The following PLLP variants were observed in gnomAD, a reference collection of about 807,000 sequenced individuals.
PLLP encodes the protein plasma membrane proteolipid (plasmolipin).
Under a neutral mutation model 19.7 loss-of-function variants are expected in PLLP, and 15 were observed. The observed-to-expected ratio is 0.76, with a 90% confidence interval of 0.51 to 1.17. The LOEUF (loss-of-function observed/expected upper bound fraction) is 1.17. Among genes scored for constraint, PLLP ranks in the 50% most tolerant of loss-of-function variants. The pLI is 0.00. For synonymous variants in PLLP, 111 were observed against 116.3 expected, an observed-to-expected ratio of 0.95 and a Z score of 0.29; for missense variants, 255 against 258.3, an observed-to-expected ratio of 0.99 and a Z score of 0.09.
intron 1 of PLLP, among the ~76,000 whole-genome samples, chr16:57,269,992 C>T (rs774850013): frequency 6.6e-6 from 1 of 152,188 alleles, no homozygotes; most frequent in Non-Finnish European, 1.5e-5. Flanking sequence ...TGGTCTCAAA[C>T]TCCTGACCTC....
chr16:57,280,495 T>G (rs1351150641), intron 1 of PLLP, among the ~76,000 whole-genome samples: 1 of 152,190 alleles, frequency 6.6e-6, no homozygotes, highest in East Asian at 1.9e-4. Flanking sequence ...ATGCCTTTTT[T>G]TTTTAAAACC....
chr16:57,271,066 T>C (rs540006370), intron 1 of PLLP, among the ~76,000 whole-genome samples: 2 of 152,286 alleles, frequency 1.3e-5, no homozygotes, highest in South Asian at 4.1e-4. Flanking sequence ...AGGAGGACGA[T>C]GCTGGAGGTG....
intron 1 of PLLP, among the ~76,000 whole-genome samples, chr16:57,265,371 T>C (rs1308757059): frequency 2.0e-5 from 3 of 152,268 alleles, no homozygotes; most frequent in Non-Finnish European, 2.9e-5. Context: ...CCGTCCCTTC[T>C]CCAGGTGAGA....
intron 1 of PLLP, among the ~76,000 whole-genome samples, chr16:57,266,267 A>C (rs1267121404): frequency 6.6e-6 from 1 of 152,096 alleles, no homozygotes; most frequent in Non-Finnish European, 1.5e-5. Flanking sequence ...CAGCGTCCAG[A>C]TGAAGCCGGT....
At chr16:57,272,298 T>C (rs1331359581) in intron 1 of PLLP, among the ~76,000 whole-genome samples, 5 of 152,290 alleles carry the variant, frequency 3.3e-5, no homozygotes, top group Non-Finnish European at 4.4e-5. Context: ...TGTGGGGACA[T>C]TCCCCTGGAG....
intron 1 of PLLP, among the ~76,000 whole-genome samples, chr16:57,273,130 G>T (rs939266612): frequency 5.3e-5 from 8 of 151,366 alleles, no homozygotes; most frequent in Admixed American, 3.3e-4. Context: ...CACGGTGGCA[G>T]GTGCCTGTAA....
Position 57,262,981 on chromosome 16 carries a change from G to T in PLLP, c.136-911C>A, listed in dbSNP as rs563274785. Among the ~76,000 whole-genome samples, 5 of 152,208 alleles carry T rather than the reference G, an allele frequency of 3.3e-5. No homozygotes were observed. The South Asian group carries it at 1.0e-3, about 32-fold the overall frequency. On this transcript the variant is annotated intron_variant, in intron 1 of 3. Transcript: ENST00000219207. Reference sequence around the variant, plus strand: ...AGACTGCGAGCTCCACGAGGGCACAGCCGTGGCTGTCTCACAGCTACGTCC... The same window carrying T: ...AGACTGCGAGCTCCACGAGGGCACATCCGTGGCTGTCTCACAGCTACGTCC...
At chr16:57,266,944 A>G (rs1437034516) in intron 1 of PLLP, among the ~76,000 whole-genome samples, 3 of 149,910 alleles carry the variant, frequency 2.0e-5, no homozygotes, top group African/African-American at 4.9e-5. Flanking sequence ...TGAAGACTAC[A>G]GTGTCAAAAA....
intron 1 of PLLP, among the ~76,000 whole-genome samples, chr16:57,276,618 G>A (rs1232517416): frequency 3.3e-5 from 5 of 150,942 alleles, no homozygotes; most frequent in Non-Finnish European, 7.4e-5. Context: ...GAGAGAGAGA[G>A]AAATGAAAAT....
intron 1 of PLLP, among the ~76,000 whole-genome samples, chr16:57,267,103 T>C (rs766836913): frequency 3.3e-5 from 5 of 152,162 alleles, no homozygotes; most frequent in African/African-American, 7.2e-5. Flanking sequence ...TTATTACAGT[T>C]TCCCCAGAAG....
At position 57,256,153 on chromosome 16, in the gene PLLP, A is replaced by G; in HGVS notation, c.*760T>C. 2.5e-6 allele frequency: 1 copy of G among 396,396 alleles called. No individual in the cohort carries two copies. The highest frequency in any genetic ancestry group is 4.4e-6 in the Non-Finnish European group (1 of 225,014). 24.6% of individuals were successfully genotyped at this position (396,396 alleles called of 1,614,324 possible). A position where few individuals can be genotyped will look rare whatever the true frequency, so the allele number is the denominator to read the frequency against. On this transcript the variant is annotated 3_prime_UTR_variant, in exon 4 of 4. Coordinates refer to ENST00000219207, the MANE Select transcript of PLLP (RefSeq NM_015993.3). ...AAATAAAACAGTCACCACCAACCAC[A>G]TGACAACTCGCCAGGCAAGGCCTTG...
chr16:57,270,192 T>G (rs559047572), intron 1 of PLLP, among the ~76,000 whole-genome samples: 17 of 149,406 alleles, frequency 1.1e-4, no homozygotes, highest in Admixed American at 1.1e-3. Flanking sequence ...CCCGAGTCTA[T>G]CCACAACCCC....
intron 1 of PLLP, among the ~76,000 whole-genome samples, chr16:57,269,830 A>G (rs1447604932): frequency 6.6e-6 from 1 of 152,134 alleles, no homozygotes; most frequent in East Asian, 1.9e-4. Flanking sequence ...CAGTGGCGCA[A>G]TCTCGGCTCA....
Position 57,258,506 on chromosome 16 carries a change from A to G in PLLP, c.388T>C (p.Ser130Pro). ...TTATAAGGCCGGGTGCCCCTCAGGG[A>G]TGTCAGGTCAACTGCCGCAGAGCAG... Reference protein sequence around the residue: ...IACSAAVDLTSLRGTRPYNQR... With the variant: ...IACSAAVDLTPLRGTRPYNQR... The change falls in exon 3 of 4, where the codon TCC becomes CCC. Residue 130 changes from serine (S) to proline (P), a missense_variant. By Grantham distance (74) the Ser-to-Pro change is moderately conservative. Transcript: ENST00000219207. 1 of 1,613,176 alleles carries G rather than the reference A, an allele frequency of 6.2e-7. No individual in the cohort carries two copies. The highest frequency in any genetic ancestry group is 8.5e-7 in the Non-Finnish European group (1 of 1,179,972).
intron 2 of PLLP, among the ~76,000 whole-genome samples, chr16:57,259,514 G>A (rs2075435818): frequency 6.6e-6 from 1 of 152,104 alleles, no homozygotes; most frequent in Non-Finnish European, 1.5e-5. Flanking sequence ...GACAACCAGG[G>A]ACCAGTCCCT....
At chr16:57,271,221 CT>C (rs1481269197) in intron 1 of PLLP, among the ~76,000 whole-genome samples, 1 of 152,140 alleles carries the variant, frequency 6.6e-6, no homozygotes, top group Non-Finnish European at 1.5e-5. Flanking sequence ...TGAGCCGCCC[CT>C]GGACCCCCAG....
chr16:57,283,562 C>T (rs548437472), intron 1 of PLLP, among the ~76,000 whole-genome samples: 1 of 152,366 alleles, frequency 6.6e-6, no homozygotes, highest in African/African-American at 2.4e-5. Context: ...AGGGCACCCA[C>T]CCAGCTTCCA....
intron 1 of PLLP, among the ~76,000 whole-genome samples, chr16:57,269,537 G>A (rs1252405851): frequency 6.6e-6 from 1 of 152,116 alleles, no homozygotes; most frequent in Non-Finnish European, 1.5e-5. Context: ...GAGACAGTCC[G>A]GGGCTGGGGG....
intron 1 of PLLP, among the ~76,000 whole-genome samples, chr16:57,272,902 A>C (rs899145660): frequency 1.6e-4 from 24 of 151,874 alleles, no homozygotes; most frequent in African/African-American, 5.6e-4. Flanking sequence ...GGCTGCAGTA[A>C]GCCATGATCA....
Sources: allele counts gnomAD v4.1 joint callset (sites outside exome capture counted in the v4.1 genomes callset), GRCh38; gene constraint gnomAD v4.1.1; transcripts MANE v1.5; gene names NCBI Gene and HGNC (gene_info 2026-07-23, HGNC 2026-07-21).